RHOT1: variants seen among roughly 807,000 people sequenced by gnomAD.
RHOT1 encodes the protein ras homolog family member T1.
In RHOT1, 27 loss-of-function variants were observed where a neutral mutation model predicts 95.3. The ratio of observed to expected loss-of-function variants is 0.28; its 90% CI spans 0.21 to 0.39. RHOT1 has a LOEUF of 0.39. Ranked by LOEUF, RHOT1 falls within the 10% of genes least tolerant of loss-of-function variation. The pLI is 1.00. For synonymous variants in RHOT1, 227 were observed against 263.5 expected (o/e 0.86, Z 1.34); for missense variants, 578 against 786.7 (o/e 0.73, Z 3.17).
intron 1 of RHOT1, among the ~76,000 whole-genome samples, chr17:32,169,094 C>T (rs1003228499): frequency 1.3e-5 from 2 of 152,150 alleles, no homozygotes; most frequent in African/African-American, 2.4e-5. Flanking sequence ...CAGCGGTACT[C>T]GGTTGTTCAT....
rs369938774 is a variant in RHOT1, at chr17:32,208,287, T to C, written c.1717T>C (p.Leu573=). 2.5e-5 allele frequency: 40 copies of C among 1,614,096 alleles called. 2 individuals are homozygous for C. The highest frequency in any genetic ancestry group is 8.0e-5 in the African/African-American group (6 of 75,052). The change falls in exon 18 of 20, where the codon TTG becomes CTG. Residue 573 remains leucine, a synonymous_variant. Transcript: ENST00000545287. ...DAPSKDIFVK[L]TTMAMYPHAR... is the part of the protein sequence containing the mutation. ...CCCCAGTAAGGATATCTTTGTTAAATTGACAACAATGGCCATGTATCCGTA... is the reference window on the plus strand; with the variant it reads ...CCCCAGTAAGGATATCTTTGTTAAACTGACAACAATGGCCATGTATCCGTA...
Position 32,172,645 on chromosome 17 carries a change from C to T in RHOT1, c.97-1186C>T, listed in dbSNP as rs1243213482. Among the ~76,000 whole-genome samples the T allele has an allele frequency of 2.6e-5, 4 of 152,152 alleles. No homozygotes were observed. In the East Asian group the frequency reaches 7.7e-4, roughly 29 times the overall value. ...GTCAGGAGTTCAAGACCAGCCTGGC[C>T]AACATGGTGAAACCCCATCTCTAGT... is the stretch of plus-strand genomic sequence containing the variant. On this transcript the variant is annotated intron_variant, in intron 2 of 19. Coordinates refer to ENST00000545287, the MANE Select transcript of RHOT1 (RefSeq NM_001033566.3).
chr17:32,157,102 A>G (rs1355142291), intron 1 of RHOT1, among the ~76,000 whole-genome samples: 2 of 152,138 alleles, frequency 1.3e-5, no homozygotes, highest in African/African-American at 2.4e-5. Context: ...ATATTTATGT[A>G]AAAGGTAATA....
At chr17:32,142,950 C>T (rs950784089) in intron 1 of RHOT1, 12 of 715,576 alleles carry the variant, frequency 1.7e-5, no homozygotes, top group Admixed American at 6.0e-5. Flanking sequence ...CTCACCTGGG[C>T]CCTCCAGAGA....
intron 6 of RHOT1, among the ~76,000 whole-genome samples, chr17:32,178,211 C>G (rs34311754): frequency 0.038 from 5,696 of 149,614 alleles, 438 homozygotes; most frequent in African/African-American, 0.13. Flanking sequence ...CCTCCCCCCC[C>G]CCAGTGATCT....
At chr17:32,211,334 C>G (rs111547746) in intron 19 of RHOT1, 96 bp downstream of exon 19, 1 of 1,146,984 alleles carries the variant, frequency 8.7e-7, no homozygotes, top group African/African-American at 1.5e-5. Context: ...ACTACAAAGA[C>G]AAGCTGACTG....
chr17:32,187,635 A>C (rs2036158909), intron 8 of RHOT1, among the ~76,000 whole-genome samples: 1 of 151,818 alleles, frequency 6.6e-6, no homozygotes, highest in South Asian at 2.1e-4. Flanking sequence ...CCCACGTTGG[A>C]GTGCAGTGGT....
At chr17:32,199,252 C>T (rs1024500229) in intron 12 of RHOT1, among the ~76,000 whole-genome samples, 153 bp from the exon 13 acceptor site, 2 of 152,178 alleles carry the variant, frequency 1.3e-5, no homozygotes, top group African/African-American at 4.8e-5. Context: ...GGTTTTCTTA[C>T]ATACATTTGA....
intron 1 of RHOT1, among the ~76,000 whole-genome samples, chr17:32,148,358 GT>G (rs2031701912): frequency 6.6e-6 from 1 of 152,224 alleles, no homozygotes. Flanking sequence ...GAAAGTCAAA[GT>G]TCAAACATCC....
chr17:32,146,987 A>G (rs1286546815), intron 1 of RHOT1, among the ~76,000 whole-genome samples: 1 of 131,646 alleles, frequency 7.6e-6, no homozygotes, highest in Non-Finnish European at 1.6e-5. Context: ...CAAGTGATCC[A>G]CCCACCTCGG....
chr17:32,145,546 A>G (rs945376412), intron 1 of RHOT1, among the ~76,000 whole-genome samples: 2 of 152,148 alleles, frequency 1.3e-5, no homozygotes, highest in African/African-American at 4.8e-5. Context: ...CTTTTGCAAT[A>G]TCTCCCTTAA....
At chr17:32,193,073 T>G (rs1203872038) in intron 9 of RHOT1, 63 bp from the exon 10 acceptor site, 5 of 959,924 alleles carry the variant, frequency 5.2e-6, no homozygotes, top group African/African-American at 1.7e-5. Flanking sequence ...AGATTATCAT[T>G]TTATATTATT....
At chr17:32,154,727 T>C (rs1280660619) in intron 1 of RHOT1, among the ~76,000 whole-genome samples, 1 of 149,298 alleles carries the variant, frequency 6.7e-6, no homozygotes, top group Non-Finnish European at 1.5e-5. Flanking sequence ...ACCATGTCTT[T>C]ACTAAAAATA....
Position 32,208,258 on chromosome 17 carries a change from A to G in RHOT1, c.1688A>G (p.Asp563Gly), listed in dbSNP as rs368932581. The G allele has an allele frequency of 5.6e-6, 9 of 1,613,990 alleles. No homozygotes were observed. In the East Asian group the frequency reaches 8.9e-5, roughly 16 times the overall value. ...CAAGCCTTCACTTGCAATACTGCTG[A>G]TGCCCCCAGTAAGGATATCTTTGTT... is the stretch of plus-strand genomic sequence containing the variant. ...PPQAFTCNTA[D>G]APSKDIFVKL... The change falls in exon 18 of 20, where the codon GAT (aspartate) becomes GGT (glycine). Residue 563 changes from aspartate to glycine, a missense_variant. Physicochemically the swap from Asp to Gly is moderately conservative, Grantham distance 94. This residue lies in a region of RHOT1 where 296 missense variants were observed against 338.5 expected (regional missense o/e 0.87). Coordinates refer to ENST00000545287, the MANE Select transcript of RHOT1 (RefSeq NM_001033566.3).
intron 1 of RHOT1, among the ~76,000 whole-genome samples, chr17:32,168,412 A>G (rs1030260779): frequency 2.0e-5 from 3 of 151,934 alleles, no homozygotes; most frequent in African/African-American, 7.3e-5. Context: ...TGGGACTACA[A>G]GTGTGTGCCA....
At chr17:32,147,412 C>G (rs990591313) in intron 1 of RHOT1, among the ~76,000 whole-genome samples, 10 of 151,990 alleles carry the variant, frequency 6.6e-5, no homozygotes, top group Admixed American at 6.6e-5. Flanking sequence ...ACTTGCTTGA[C>G]CCCAGGAGTT....
Position 32,200,940 on chromosome 17 carries a change from C to A in RHOT1, c.1101-16C>A. On this transcript the variant is annotated splice_polypyrimidine_tract_variant and intron_variant, in intron 13 of 19. Transcript: ENST00000545287. Reference sequence around the variant, plus strand: ...GTTTAGGAACTTTTCACATTTTAAACTCTTTTCTTTCATAGGCTCACGACT... The same window carrying A: ...GTTTAGGAACTTTTCACATTTTAAAATCTTTTCTTTCATAGGCTCACGACT... 1 of 1,578,522 alleles carries A rather than the reference C, an allele frequency of 6.3e-7. No homozygotes were observed. Among genetic ancestry groups the A allele is most frequent in the Non-Finnish European group, 8.7e-7 (1 of 1,150,404 alleles).
chr17:32,184,042 A>G (rs1451651627), intron 8 of RHOT1, among the ~76,000 whole-genome samples: 1 of 152,222 alleles, frequency 6.6e-6, no homozygotes, highest in Non-Finnish European at 1.5e-5. Context: ...TCCAAAATTT[A>G]ATATTTTGCC....
chr17:32,149,963 C>T (rs2032082169), intron 1 of RHOT1, among the ~76,000 whole-genome samples: 1 of 152,008 alleles, frequency 6.6e-6, no homozygotes, highest in Non-Finnish European at 1.5e-5. Context: ...GTTGGCCAAG[C>T]TGGTCTTGAA....
Sources: gnomAD v4.1 joint callset for allele counts (sites outside exome capture counted in the v4.1 genomes callset) on GRCh38, gnomAD v4.1.1 for gene constraint, gnomAD v4.1.1 regional missense constraint, MANE v1.5 for transcripts, NCBI Gene and HGNC (gene_info 2026-07-23, HGNC 2026-07-21) for gene names.